The following OTUD7A variants were observed in gnomAD, a reference collection of about 807,000 sequenced individuals.
OTUD7A encodes OTU deubiquitinase 7A, also known as OTU domain-containing protein 7A.
A neutral mutation model predicts 65.7 loss-of-function variants in OTUD7A; 12 were observed. The observed-to-expected ratio is 0.18, with a 90% CI of 0.12 to 0.30. OTUD7A has a LOEUF of 0.30. Among genes scored for constraint, OTUD7A ranks in the 10% least tolerant of loss-of-function variants. OTUD7A has a pLI of 1.00. For missense variants in OTUD7A, 1,148 were observed against 1,304.8 expected (o/e 0.88, Z 1.85); for synonymous variants, 641 against 586.3 (o/e 1.09, Z -1.35).
At chr15:31,683,172 G>A (rs543913280) in intron 1 of OTUD7A, among the ~76,000 whole-genome samples, 3 of 152,232 alleles carry the variant, frequency 2.0e-5, no homozygotes, top group Admixed American at 1.3e-4. Context: ...ACATGTCAGC[G>A]ACTGGTAAAA....
At chr15:31,625,394 A>C (rs1595666320) in intron 3 of OTUD7A, among the ~76,000 whole-genome samples, 1 of 151,954 alleles carries the variant, frequency 6.6e-6, no homozygotes, top group East Asian at 1.9e-4. Flanking sequence ...TCAGACTTCG[A>C]CTAAACATTC....
At chr15:31,773,374 C>T (rs1031771544) in intron 1 of OTUD7A, among the ~76,000 whole-genome samples, 2 of 152,206 alleles carry the variant, frequency 1.3e-5, no homozygotes, top group African/African-American at 4.8e-5. Flanking sequence ...CATCAAGGCA[C>T]CTGCAGATTC....
intron 1 of OTUD7A, among the ~76,000 whole-genome samples, chr15:31,858,909 G>A (rs1897647493): frequency 6.6e-6 from 1 of 152,216 alleles, no homozygotes; most frequent in African/African-American, 2.4e-5. Context: ...GGCATCCCAA[G>A]TGTGCCAGTC....
chr15:31,753,714 A>AT lies in OTUD7A; in HGVS notation c.-99-96638dup, dbSNP rs1311945081. ...ATATATATATATATTATATATATATATATATATTATATATATATATATATA... is the reference window on the plus strand; with the variant it reads ...ATATATATATATATTATATATATATATTATATATTATATATATATATATATA... On this transcript the variant is annotated intron_variant, in intron 1 of 12. Coordinates refer to ENST00000307050, the MANE Select transcript of OTUD7A (RefSeq NM_001382637.1). 6.2e-4 allele frequency among the ~76,000 whole-genome samples: 71 copies of AT among 115,088 alleles called. 1 individual carries two copies. The highest frequency in any genetic ancestry group is 1.0e-3 in the Non-Finnish European group (61 of 59,966). 75.5% of individuals were successfully genotyped at this position (115,088 alleles called of 152,430 possible). A position where few individuals can be genotyped will look rare whatever the true frequency, so the allele number is the denominator to read the frequency against.
chr15:31,842,008 G>A (rs928983596), intron 1 of OTUD7A, among the ~76,000 whole-genome samples: 2 of 152,074 alleles, frequency 1.3e-5, no homozygotes, highest in African/African-American at 4.8e-5. Flanking sequence ...CCAAACTGGC[G>A]ACCACCTGCA....
At chr15:31,716,622 G>T (rs1018667541) in intron 1 of OTUD7A, among the ~76,000 whole-genome samples, 17 of 142,462 alleles carry the variant, frequency 1.2e-4, no homozygotes, top group Non-Finnish European at 2.5e-4. Flanking sequence ...CATCTCAAAG[G>T]CACGCTGGAG....
At chr15:31,681,368 A>G (rs1444081425) in intron 1 of OTUD7A, among the ~76,000 whole-genome samples, 1 of 151,862 alleles carries the variant, frequency 6.6e-6, no homozygotes, top group East Asian at 1.9e-4. Context: ...TCTATTTGTC[A>G]GTATGTCTGT....
chr15:31,496,558 T>G (rs906180730), intron 10 of OTUD7A, among the ~76,000 whole-genome samples: 55 of 152,350 alleles, frequency 3.6e-4, no homozygotes, highest in African/African-American at 1.2e-3. Context: ...AAAATCAAGT[T>G]GAGCAGAATA....
intron 8 of OTUD7A, among the ~76,000 whole-genome samples, chr15:31,511,193 C>CAT (rs1462447465): frequency 2.6e-4 from 1 of 3,830 alleles, no homozygotes; most frequent in Non-Finnish European, 3.8e-4. Context: ...ATGTAACACA[C>CAT]ATATGTATAT....
intron 10 of OTUD7A, among the ~76,000 whole-genome samples, chr15:31,497,480 G>C (rs2041403968): frequency 6.6e-6 from 1 of 152,092 alleles, no homozygotes; most frequent in African/African-American, 2.4e-5. Context: ...GAACTCCTGA[G>C]CTCAGGCAAC....
rs1404349823 is a variant in OTUD7A, at chr15:31,483,444, C to G, written c.2652G>C (p.Glu884Asp). Residue 884 changes from glutamate to aspartate, a missense_variant, in exon 13 of 13, where the codon GAG (glutamate) becomes GAC (aspartate). Physicochemically the swap from Glu to Asp is conservative, Grantham distance 45. Around this residue, in one of 6 missense-constraint regions of OTUD7A, gnomAD observed 842 missense variants for 769.5 expected, o/e 1.09. Coordinates refer to ENST00000307050, the MANE Select transcript of OTUD7A (RefSeq NM_001382637.1). Reference protein sequence around the residue: ...ADAPTARSNGECGRGGPGPVQ... With the variant: ...ADAPTARSNGDCGRGGPGPVQ... ...CCGGCCCCGGGCCGCCACGGCCGCACTCACCGTTCGAGCGCGCGGTCGGCG... is the reference window on the plus strand; with the variant it reads ...CCGGCCCCGGGCCGCCACGGCCGCAGTCACCGTTCGAGCGCGCGGTCGGCG... 10 of 1,383,096 alleles carry G rather than the reference C, an allele frequency of 7.2e-6. No homozygotes were observed. The highest frequency in any genetic ancestry group is 8.4e-6 in the Non-Finnish European group (9 of 1,068,802). The allele number at this position is 1,383,096 out of a possible 1,614,324, so 85.7% of individuals were successfully genotyped here. A position where few individuals can be genotyped will look rare whatever the true frequency, so the allele number is the denominator to read the frequency against.
At position 31,487,166 on chromosome 15, in the gene OTUD7A, G is replaced by C. The variant is rs749622094; in HGVS notation, c.1371+28C>G. ...CTGAGCAGCCTGGACCCTGCTGCCAGGTCTGGTCCCAGCACAGCCAGGCTC... is the reference window on the plus strand; with the variant it reads ...CTGAGCAGCCTGGACCCTGCTGCCACGTCTGGTCCCAGCACAGCCAGGCTC... On this transcript the variant is annotated intron_variant, in intron 12 of 12. Transcript: ENST00000307050. The surrounding 1 kb of genome is among the most constrained non-coding windows in gnomAD (Gnocchi z 6.0). 1 of 1,603,780 alleles carries C rather than the reference G, an allele frequency of 6.2e-7. No individual in the cohort carries two copies. The highest frequency in any genetic ancestry group is 8.5e-7 in the Non-Finnish European group (1 of 1,171,956).
intron 1 of OTUD7A, among the ~76,000 whole-genome samples, chr15:31,744,630 C>T (rs1894428722): frequency 2.0e-5 from 3 of 151,948 alleles, no homozygotes; most frequent in South Asian, 4.1e-4. Context: ...ATTATTTTCC[C>T]TTATGATTAA....
intron 1 of OTUD7A, among the ~76,000 whole-genome samples, chr15:31,796,005 TTCATA>T (rs541780182): frequency 3.3e-4 from 51 of 152,252 alleles, no homozygotes; most frequent in South Asian, 2.5e-3. Context: ...TCATCCTCGT[TTCATA>T]GAAGGCTCAG....
chr15:31,505,715 T>C (rs2041550790), intron 8 of OTUD7A, among the ~76,000 whole-genome samples: 1 of 151,546 alleles, frequency 6.6e-6, no homozygotes, highest in Non-Finnish European at 1.5e-5. Flanking sequence ...ATAAGTATAT[T>C]AATAAGAGCG....
intron 1 of OTUD7A, among the ~76,000 whole-genome samples, chr15:31,770,274 C>T (rs115956120): frequency 0.023 from 3,488 of 152,174 alleles, 161 homozygotes; most frequent in African/African-American, 0.079. Context: ...GTATTAATTA[C>T]ATGGGAATAT....
At chr15:31,493,361 TAAC>T (rs945080655) in intron 10 of OTUD7A, among the ~76,000 whole-genome samples, 3 of 152,166 alleles carry the variant, frequency 2.0e-5, no homozygotes, top group African/African-American at 7.2e-5. Flanking sequence ...GTATGCATGC[TAAC>T]AACATAGCTT....
At chr15:31,775,956 G>A (rs997076052) in intron 1 of OTUD7A, among the ~76,000 whole-genome samples, 5 of 152,158 alleles carry the variant, frequency 3.3e-5, no homozygotes, top group Admixed American at 6.6e-5. Context: ...AATATCTGAG[G>A]TTAAAACGCA....
At position 31,570,055 on chromosome 15, in the gene OTUD7A, C is replaced by G; in HGVS notation, c.294G>C (p.Glu98Asp). The G allele has an allele frequency of 6.2e-7, 1 of 1,614,216 alleles. No individual in the cohort carries two copies. The highest frequency in any genetic ancestry group is 1.1e-5 in the South Asian group (1 of 91,080). Reference sequence around the variant, plus strand: ...CGTCCTGCCTCTGCAGGCAGGGTCGCTCCACCTTGTGCCCGGGCTGTGGCT... The same window carrying G: ...CGTCCTGCCTCTGCAGGCAGGGTCGGTCCACCTTGTGCCCGGGCTGTGGCT... ...EREPQPGHKV[E>D]RPCLQRQDDI... The change falls in exon 4 of 13, where the codon GAG (glutamate) becomes GAC (aspartate). Residue 98 changes from glutamate (E) to aspartate (D), a missense_variant. Glu to Asp is a conservative substitution (Grantham distance 45, BLOSUM62 2). Transcript: ENST00000307050.
Sources: allele counts gnomAD v4.1 joint callset (sites outside exome capture counted in the v4.1 genomes callset), GRCh38; gene constraint gnomAD v4.1.1; regional missense constraint gnomAD v4.1.1; non-coding constraint Gnocchi (gnomAD v3.1); transcripts MANE v1.5; gene names NCBI Gene and HGNC (gene_info 2026-07-23, HGNC 2026-07-21).